Variants in SLC25A13 observed in about 807,000 individuals in gnomAD.
The protein encoded by SLC25A13 is solute carrier family 25 member 13, also known as electrogenic aspartate/glutamate antiporter SLC25A13, mitochondrial.
Under a neutral mutation model 85.5 loss-of-function variants are expected in SLC25A13, and 70 were observed. The observed-to-expected ratio is 0.82, with a 90% CI of 0.68 to 1.00. SLC25A13 has a LOEUF of 1.00. Among genes scored for constraint, SLC25A13 ranks in the 50% least tolerant of loss-of-function variants. The pLI is 0.00. For synonymous variants in SLC25A13, 259 were observed against 288.7 expected (o/e 0.90, Z 1.04); for missense variants, 765 against 819.8 (o/e 0.93, Z 0.82).
chr7:96,188,328 C>T (rs1280660734), intron 9 of SLC25A13, among the ~76,000 whole-genome samples: 1 of 152,196 alleles, frequency 6.6e-6, no homozygotes, highest in Admixed American at 6.5e-5. Context: ...ACTACTTTGA[C>T]TTGCATGCTG....
chr7:96,141,651 G>A (rs899946891), intron 14 of SLC25A13, among the ~76,000 whole-genome samples: 2 of 152,150 alleles, frequency 1.3e-5, no homozygotes, highest in Non-Finnish European at 2.9e-5. Context: ...ATGTCCCTGG[G>A]TATCAGAAAA....
chr7:96,320,765 C>G (rs888618266), intron 1 of SLC25A13, among the ~76,000 whole-genome samples: 7 of 152,148 alleles, frequency 4.6e-5, no homozygotes, highest in Non-Finnish European at 1.0e-4. Flanking sequence ...CATGAAGAAG[C>G]CTACGGATTT....
At position 96,121,954 on chromosome 7, in the gene SLC25A13, C is replaced by T. The variant is rs756177534; in HGVS notation, c.1635G>A (p.Lys545=). The part of the protein sequence containing the change: ...ASLVTPADVI[K]TRLQVAARAG... ...CCCGGGCAGCCACCTGTAATCTCGT[C>T]TTGATAACATCAGCAGGGGTCACTA... is the stretch of plus-strand genomic sequence containing the variant. The change falls in exon 16 of 18, where the codon AAG becomes AAA. Residue 545 remains lysine (K), a synonymous_variant. Coordinates refer to ENST00000265631, the MANE Select transcript of SLC25A13 (RefSeq NM_014251.3). 1 of 1,614,170 alleles carries T rather than the reference C, an allele frequency of 6.2e-7. No homozygotes were observed. The highest frequency in any genetic ancestry group is 8.5e-7 in the Non-Finnish European group (1 of 1,180,034).
intron 13 of SLC25A13, among the ~76,000 whole-genome samples, chr7:96,158,597 T>C (rs920866247): frequency 1.3e-5 from 2 of 152,246 alleles, no homozygotes; most frequent in South Asian, 2.1e-4. Context: ...ACAAATGACA[T>C]GTGCTAAGAA....
At chr7:96,154,707 A>G (rs1793188746) in intron 13 of SLC25A13, among the ~76,000 whole-genome samples, 1 of 152,152 alleles carries the variant, frequency 6.6e-6, no homozygotes, top group African/African-American at 2.4e-5. Context: ...CATATCTGGT[A>G]ACATCCTAAT....
At chr7:96,201,497 G>A (rs1280308553) in intron 5 of SLC25A13, among the ~76,000 whole-genome samples, 6 of 120,554 alleles carry the variant, frequency 5.0e-5, no homozygotes, top group African/African-American at 1.6e-4. Context: ...GGGTGACAGA[G>A]TGAGACTCTG....
At chr7:96,239,037 T>TTTTATATATATATA in intron 3 of SLC25A13, among the ~76,000 whole-genome samples, 2 of 130,888 alleles carry the variant, frequency 1.5e-5, no homozygotes, top group African/African-American at 5.9e-5. Flanking sequence ...ACTATATATT[T>TTTTATATATATATA]TATATATATA....
At chr7:96,147,295 C>T (rs1166424850) in intron 13 of SLC25A13, among the ~76,000 whole-genome samples, 1 of 152,110 alleles carries the variant, frequency 6.6e-6, no homozygotes, top group African/African-American at 2.4e-5. Flanking sequence ...GTTACATATT[C>T]TTAAAATTTT....
intron 13 of SLC25A13, among the ~76,000 whole-genome samples, chr7:96,151,949 A>AAACT (rs1793067084): frequency 6.6e-6 from 1 of 152,194 alleles, no homozygotes; most frequent in Non-Finnish European, 1.5e-5. Flanking sequence ...CGTCTCAATA[A>AAACT]AAATAAATAA....
chr7:96,188,222 T>C (rs1359912699), intron 9 of SLC25A13, among the ~76,000 whole-genome samples: 1 of 152,242 alleles, frequency 6.6e-6, no homozygotes, highest in African/African-American at 2.4e-5. Context: ...GTGATTATAG[T>C]TATTTCTCCT....
At chr7:96,210,159 A>C (rs972226113) in intron 4 of SLC25A13, among the ~76,000 whole-genome samples, 5 of 152,156 alleles carry the variant, frequency 3.3e-5, no homozygotes, top group Non-Finnish European at 7.4e-5. Flanking sequence ...CACCATTAGC[A>C]TAAGGTTAGG....
chr7:96,298,399 G>A (rs765683997), intron 1 of SLC25A13, among the ~76,000 whole-genome samples: 85 of 151,930 alleles, frequency 5.6e-4, no homozygotes, highest in Non-Finnish European at 1.2e-3. Context: ...CTGAGTGCTT[G>A]TAACCACCAA....
chr7:96,241,947 G>T (rs1244174383), intron 3 of SLC25A13, among the ~76,000 whole-genome samples: 2 of 152,128 alleles, frequency 1.3e-5, no homozygotes, highest in African/African-American at 4.8e-5. Flanking sequence ...TTCATCTCCT[G>T]CCTGGCTCCT....
intron 3 of SLC25A13, among the ~76,000 whole-genome samples, chr7:96,272,623 A>C (rs1215490127): frequency 1.3e-5 from 2 of 152,228 alleles, no homozygotes; most frequent in Non-Finnish European, 2.9e-5. Context: ...AAAGCTGAGA[A>C]TGAGAAGCCA....
intron 14 of SLC25A13, among the ~76,000 whole-genome samples, chr7:96,134,812 T>TATATATATATATATAA (rs1554337568): frequency 1.6e-4 from 23 of 146,280 alleles, no homozygotes; most frequent in African/African-American, 3.8e-4. Flanking sequence ...TATATATATA[T>TATATATATATATATAA]AACCCTGAGG....
chr7:96,230,580 C>T (rs1195026079), intron 4 of SLC25A13, among the ~76,000 whole-genome samples: 1 of 152,130 alleles, frequency 6.6e-6, no homozygotes, highest in African/African-American at 2.4e-5. Flanking sequence ...TAGAATTTAC[C>T]AGTCATACCA....
intron 4 of SLC25A13, among the ~76,000 whole-genome samples, chr7:96,219,464 G>C (rs1365019271): frequency 4.6e-5 from 7 of 152,190 alleles, no homozygotes; most frequent in Non-Finnish European, 8.8e-5. Context: ...ATTCAGGAAA[G>C]AACCCTATCC....
At chr7:96,302,582 T>C (rs924146793) in intron 1 of SLC25A13, among the ~76,000 whole-genome samples, 3 of 152,190 alleles carry the variant, frequency 2.0e-5, no homozygotes, top group African/African-American at 7.2e-5. Flanking sequence ...GCTGTAGAGA[T>C]GTGAGACCAC....
chr7:96,143,856 T>C (rs1167696273), intron 14 of SLC25A13, among the ~76,000 whole-genome samples: 1 of 152,164 alleles, frequency 6.6e-6, no homozygotes, highest in East Asian at 1.9e-4. Flanking sequence ...GGGTCTGGCA[T>C]TGTAATGTTA....
Sources: allele counts gnomAD v4.1 joint callset (sites outside exome capture counted in the v4.1 genomes callset), GRCh38; gene constraint gnomAD v4.1.1; transcripts MANE v1.5; gene names NCBI Gene and HGNC (gene_info 2026-07-23, HGNC 2026-07-21).